The following NOL8 variants were observed in gnomAD, a reference collection of about 807,000 sequenced individuals.
NOL8 encodes the protein nucleolar protein Nop132.
A neutral mutation model predicts 116.1 loss-of-function variants in NOL8; 93 were observed. The observed-to-expected ratio is 0.80, with a 90% CI of 0.68 to 0.95. The LOEUF (loss-of-function observed/expected upper bound fraction) is 0.95. Among genes scored for constraint, NOL8 ranks in the 40% least tolerant of loss-of-function variants. The pLI, the probability that NOL8 is intolerant of heterozygous loss-of-function variation, is 0.00. For missense variants in NOL8, 1,291 were observed against 1,382.8 expected (o/e 0.93, Z 1.05); for synonymous variants, 419 against 469.0 (o/e 0.89, Z 1.38).
chr9:92,311,025 C>A, intron 8 of NOL8, 121 bp downstream of exon 8: 1 of 722,468 alleles, frequency 1.4e-6, no homozygotes. Context: ...ATGAGGTGAC[C>A]TGGCAAGCCC....
At chr9:92,325,211 C>G (rs1407770131) in intron 1 of NOL8, 95 bp downstream of exon 1, 1 of 152,272 alleles carries the variant, frequency 6.6e-6, no homozygotes, top group Non-Finnish European at 1.5e-5. Context: ...CCCAGCCTAC[C>G]CACGGCAGCC....
rs759195124 is a variant in NOL8 at position 92,324,117 on chromosome 9, A to G, written c.45T>C (p.Leu15=). Residue 15 remains leucine (L), a synonymous_variant, in exon 2 of 17, where the codon CTT becomes CTC. Transcript: ENST00000442668. The part of the protein sequence containing the change: ...RETKRLYVGG[L]SQDISEADLQ... The stretch of plus-strand genomic sequence containing the variant: ...GGTCTGCCTCAGAAATGTCCTGGCT[A>G]AGGCCACCCACATAAAGGCGCTTCG... The G allele has an allele frequency of 1.3e-5, 21 of 1,613,930 alleles. No homozygotes were observed. In the Admixed American group the frequency reaches 3.3e-4, roughly 26 times the overall value.
intron 12 of NOL8, among the ~76,000 whole-genome samples, chr9:92,303,885 C>A (rs980176451): frequency 5.3e-5 from 8 of 152,098 alleles, no homozygotes; most frequent in African/African-American, 1.9e-4. Context: ...TATCTCTCAG[C>A]AGTTTCAGTA....
Position 92,315,993 on chromosome 9 carries a change from G to C in NOL8, c.632C>G (p.Ser211Cys). ...PMSKKRRGEF[S>C]DFHGPPKKII... Reference sequence around the variant, plus strand: ...CTTCTTGGGAGGGCCATGAAAGTCAGAGAACTCTCCTCGCCGTTTCTTACT... The same window carrying C: ...CTTCTTGGGAGGGCCATGAAAGTCACAGAACTCTCCTCGCCGTTTCTTACT... Residue 211 changes from serine to cysteine, a missense_variant, in exon 7 of 17, where the codon TCT becomes TGT. By Grantham distance (112) the Ser-to-Cys change is moderately radical. Transcript: ENST00000442668. 6.2e-7 allele frequency: 1 copy of C among 1,613,964 alleles called. No homozygotes were observed.
chr9:92,313,236 G>A (rs1016488909), intron 7 of NOL8, among the ~76,000 whole-genome samples: 3 of 152,074 alleles, frequency 2.0e-5, no homozygotes, highest in African/African-American at 7.2e-5. Flanking sequence ...TGTTGTTACG[G>A]TTTTGACTTT....
At chr9:92,298,005 T>C in intron 16 of NOL8, 119 bp from the exon 17 acceptor site, 1 of 871,912 alleles carries the variant, frequency 1.1e-6, no homozygotes, top group Non-Finnish European at 1.7e-6. Context: ...TTGAAAGTGC[T>C]CTTTTGAAAT....
At chr9:92,321,227 T>C (rs1314581672) in intron 4 of NOL8, among the ~76,000 whole-genome samples, 1 of 152,198 alleles carries the variant, frequency 6.6e-6, no homozygotes, top group Non-Finnish European at 1.5e-5. Context: ...TGCATATACA[T>C]AGGATATGTG....
At chr9:92,304,636 A>G (rs988955262) in intron 12 of NOL8, among the ~76,000 whole-genome samples, 1 of 152,204 alleles carries the variant, frequency 6.6e-6, no homozygotes, top group African/African-American at 2.4e-5. Context: ...TTTAGTCTAA[A>G]ATGTGATTCT....
intron 1 of NOL8, chr9:92,324,599 GCT>G (rs1840280795): frequency 6.5e-6 from 1 of 152,922 alleles, no homozygotes; most frequent in Non-Finnish European, 1.5e-5. Flanking sequence ...GATAAAAAGA[GCT>G]AGCCTACCTC....
intron 15 of NOL8, 194 bp downstream of exon 15, chr9:92,298,690 A>C: frequency 2.1e-6 from 1 of 477,506 alleles, no homozygotes; most frequent in South Asian, 4.2e-5. Flanking sequence ...TGTTGATGAG[A>C]ATGAGCGGGC....
intron 4 of NOL8, chr9:92,320,516 T>C: frequency 5.2e-6 from 1 of 190,502 alleles, no homozygotes; most frequent in Non-Finnish European, 1.1e-5. Context: ...CCACTCGTTT[T>C]AGAATATATC....
intron 10 of NOL8, among the ~76,000 whole-genome samples, chr9:92,308,210 G>A (rs1228518846): frequency 6.6e-6 from 1 of 152,056 alleles, no homozygotes; most frequent in African/African-American, 2.4e-5. Context: ...GCAACACAGC[G>A]AGACCCTGTC....
chr9:92,315,738 C>T lies in NOL8; in HGVS notation c.887G>A (p.Ser296Asn). The change falls in exon 7 of 17, where the codon AGC becomes AAC. Residue 296 changes from serine (S) to asparagine (N), a missense_variant. By Grantham distance (46) the Ser-to-Asn change is conservative. Coordinates refer to ENST00000442668, the MANE Select transcript of NOL8 (RefSeq NM_017948.6). The stretch of plus-strand genomic sequence containing the variant: ...AGAATCAGTATCATCATCAGAAATG[C>T]TGTTTCTCTTCTTGGCAGTTTCCAA... ...SGLETAKKRNSISDDDTDSED... is the reference protein window; with the variant it reads ...SGLETAKKRNNISDDDTDSED... 1 of 1,613,300 alleles carries T rather than the reference C, an allele frequency of 6.2e-7. No homozygotes were observed. Among genetic ancestry groups the T allele is most frequent in the Non-Finnish European group, 8.5e-7 (1 of 1,179,542 alleles).
Position 92,297,729 on chromosome 9 carries a change from A to T in NOL8, c.*107T>A. The T allele has an allele frequency of 3.9e-5, 29 of 748,664 alleles. No homozygotes were observed. The highest frequency in any genetic ancestry group is 6.0e-5 in the Non-Finnish European group (28 of 469,130). The allele number at this position is 748,664 out of a possible 1,614,324, so 46.4% of individuals were successfully genotyped here. Reference sequence around the variant, plus strand: ...GATATTCCGTCAGCCAGATTTTTAAAATTCCTTCACTCTGAAATTTCTTCT... The same window carrying T: ...GATATTCCGTCAGCCAGATTTTTAATATTCCTTCACTCTGAAATTTCTTCT... On this transcript the variant is annotated 3_prime_UTR_variant, in exon 17 of 17. Transcript: ENST00000442668.
chr9:92,323,018 A>T (rs1840049125), intron 3 of NOL8: 2 of 161,910 alleles, frequency 1.2e-5, no homozygotes, highest in African/African-American at 4.8e-5. Context: ...TAAACTTATC[A>T]ACAAGAGATT....
At chr9:92,300,539 C>A in intron 13 of NOL8, 1 of 990,002 alleles carries the variant, frequency 1.0e-6, no homozygotes, top group East Asian at 1.1e-4. Context: ...ACTTAAAAAA[C>A]ATCTTTCAAG....
Position 92,314,956 on chromosome 9 carries a change from C to G in NOL8, c.1669G>C (p.Gly557Arg), listed in dbSNP as rs1450901065. ...TTGTTTTCCTTTGGTTTCTGTTTGC[C>G]ACAGGTGTTCTCCTCTCCTTCTAAC... is the stretch of plus-strand genomic sequence containing the variant. ...SLLEGEENTC[G>R]KQKPKENNLK... The change falls in exon 7 of 17, where the codon GGC becomes CGC. Residue 557 changes from glycine (G) to arginine (R), a missense_variant. By Grantham distance (125) the Gly-to-Arg change is moderately radical. Coordinates refer to ENST00000442668, the MANE Select transcript of NOL8 (RefSeq NM_017948.6). The G allele has an allele frequency of 1.4e-5, 22 of 1,613,928 alleles. No individual in the cohort carries two copies. The highest frequency in any genetic ancestry group is 1.9e-5 in the Non-Finnish European group (22 of 1,179,878).
intron 4 of NOL8, chr9:92,320,023 C>T: frequency 2.2e-6 from 1 of 455,108 alleles, no homozygotes; most frequent in Non-Finnish European, 4.4e-6. Flanking sequence ...TCAATTTTCC[C>T]CTTTCAATTT....
intron 6 of NOL8, among the ~76,000 whole-genome samples, chr9:92,318,060 A>AT (rs1211528631): frequency 2.8e-5 from 4 of 145,364 alleles, no homozygotes; most frequent in South Asian, 4.4e-4. Context: ...AAAAAAAAAG[A>AT]TTAAAAAAAA....
Sources: allele counts gnomAD v4.1 joint callset (sites outside exome capture counted in the v4.1 genomes callset), GRCh38; gene constraint gnomAD v4.1.1; transcripts MANE v1.5; gene names NCBI Gene and HGNC (gene_info 2026-07-23, HGNC 2026-07-21).